DMD: variants seen among roughly 807,000 people sequenced by gnomAD.
DMD encodes the protein dystrophin.
A neutral mutation model predicts 330.1 loss-of-function variants in DMD; 63 were observed. That is an observed-to-expected ratio of 0.19 (90% confidence interval 0.16 to 0.24). DMD has a LOEUF of 0.24. Among genes scored for constraint, DMD ranks in the 10% least tolerant of loss-of-function variants. The pLI, the probability that DMD is intolerant of heterozygous loss-of-function variation, is 1.00. For synonymous variants in DMD, 1,223 were observed against 959.8 expected (o/e 1.27, Z -5.07); for missense variants, 3,344 against 2,684.1 (o/e 1.25, Z -5.43).
At chrX:31,851,727 A>G (rs754585007) in intron 48 of DMD, among the ~76,000 whole-genome samples, 1 of 112,042 alleles carries the variant, frequency 8.9e-6, no homozygotes, top group South Asian at 3.7e-4. Flanking sequence ...TGTGTAGTAA[A>G]AGAGAAATTA....
chrX:33,273,278 T>C (rs748207475), intron 1 of DMD, among the ~76,000 whole-genome samples: 3 of 112,313 alleles, frequency 2.7e-5, no homozygotes, highest in African/African-American at 9.7e-5. Context: ...ATTTTATACA[T>C]AGCAATGACT....
chrX:32,503,703 G>GCC (rs2044312889), intron 18 of DMD, among the ~76,000 whole-genome samples: 1 of 110,017 alleles, frequency 9.1e-6, no homozygotes, highest in Non-Finnish European at 1.9e-5. Context: ...TTACAGGCGT[G>GCC]CACCACCACG....
chrX:31,991,923 T>C (rs1054299840), intron 44 of DMD, among the ~76,000 whole-genome samples: 1 of 112,112 alleles, frequency 8.9e-6, no homozygotes, highest in African/African-American at 3.2e-5. Flanking sequence ...TTCCATGTTC[T>C]AAAGATACGG....
intron 45 of DMD, among the ~76,000 whole-genome samples, chrX:31,944,111 C>A (rs867776808): frequency 8.9e-6 from 1 of 111,788 alleles, no homozygotes; most frequent in Non-Finnish European, 1.9e-5. Flanking sequence ...AACAGTATTT[C>A]CTTAAATGTG....
intron 11 of DMD, among the ~76,000 whole-genome samples, chrX:32,638,349 T>C (rs1040644346): frequency 8.9e-6 from 1 of 111,829 alleles, no homozygotes; most frequent in African/African-American, 3.3e-5. Context: ...GATAGAAAAA[T>C]AGGAACAGAA....
chrX:32,693,802 G>C (rs1012147673), intron 9 of DMD, among the ~76,000 whole-genome samples: 3 of 111,091 alleles, frequency 2.7e-5, no homozygotes, highest in Non-Finnish European at 5.7e-5. Flanking sequence ...ACTGTCGTTT[G>C]AACCTACTCT....
At chrX:31,926,130 G>C (rs935941085) in intron 47 of DMD, among the ~76,000 whole-genome samples, 1 of 108,646 alleles carries the variant, frequency 9.2e-6, no homozygotes, top group East Asian at 2.9e-4. Flanking sequence ...TGATCAGAGA[G>C]AGGAACACAG....
intron 1 of DMD, among the ~76,000 whole-genome samples, chrX:33,170,414 T>C (rs1325694201): frequency 9.0e-6 from 1 of 111,305 alleles, no homozygotes; most frequent in African/African-American, 3.3e-5. Context: ...ACAAATATCT[T>C]TTATTTCTCA....
intron 64 of DMD, among the ~76,000 whole-genome samples, chrX:31,219,262 C>A (rs2045728746): frequency 9.0e-6 from 1 of 110,899 alleles, no homozygotes; most frequent in African/African-American, 3.3e-5. Context: ...CTTCTCTTGC[C>A]CAGCTGTTCC....
chrX:32,731,184 G>C (rs187690516), intron 7 of DMD, among the ~76,000 whole-genome samples: 1 of 112,093 alleles, frequency 8.9e-6, no homozygotes, highest in Non-Finnish European at 1.9e-5. Context: ...ACACCCACCC[G>C]AATACTGCGT....
intron 32 of DMD, among the ~76,000 whole-genome samples, chrX:32,388,341 C>T (rs866153198): frequency 1.5e-4 from 12 of 78,533 alleles, no homozygotes; most frequent in Admixed American, 3.0e-4. Flanking sequence ...TTATGCTTTC[C>T]TTTTTTTTTT....
At chrX:31,696,783 A>G (rs1418034960) in intron 52 of DMD, among the ~76,000 whole-genome samples, 1 of 112,156 alleles carries the variant, frequency 8.9e-6, no homozygotes, top group East Asian at 2.8e-4. Flanking sequence ...CAAACACAAT[A>G]CGATTTTGAC....
intron 55 of DMD, among the ~76,000 whole-genome samples, chrX:31,587,020 T>C (rs1211203756): frequency 9.0e-6 from 1 of 111,644 alleles, no homozygotes; most frequent in Non-Finnish European, 1.9e-5. Context: ...CATAAAAATA[T>C]TTTAGACTGA....
chrX:32,384,578 T>A (rs962746381), intron 33 of DMD, among the ~76,000 whole-genome samples: 1 of 110,711 alleles, frequency 9.0e-6, no homozygotes, highest in East Asian at 2.8e-4. Flanking sequence ...AACAAGACTA[T>A]CTAAGAAAAA....
intron 2 of DMD, among the ~76,000 whole-genome samples, chrX:32,971,965 C>A (rs750343492): frequency 9.0e-6 from 1 of 110,658 alleles, no homozygotes; most frequent in African/African-American, 3.3e-5. Context: ...TAAATATTTG[C>A]GAGTAGATAA....
intron 1 of DMD, among the ~76,000 whole-genome samples, chrX:33,274,549 G>T (rs191290760): frequency 1.8e-5 from 2 of 111,895 alleles, no homozygotes; most frequent in Non-Finnish European, 3.8e-5. Flanking sequence ...AAACCATTCT[G>T]CCAGGGAGAT....
intron 7 of DMD, among the ~76,000 whole-genome samples, chrX:32,754,546 TA>T (rs57307334): frequency 0.48 from 48,899 of 101,948 alleles, 9,620 homozygotes; most frequent in African/African-American, 0.66. Context: ...AATAAACCAT[TA>T]AAAAAAAAAA....
intron 21 of DMD, among the ~76,000 whole-genome samples, chrX:32,480,119 C>T (rs1027159318): frequency 1.3e-4 from 15 of 111,373 alleles, no homozygotes; most frequent in East Asian, 1.1e-3. Context: ...AGACATTTCT[C>T]GCAATAAGAG....
chrX:31,471,706 A>C (rs2067314854), intron 59 of DMD, among the ~76,000 whole-genome samples: 1 of 112,581 alleles, frequency 8.9e-6, no homozygotes, highest in African/African-American at 3.2e-5. Context: ...CTGAAAGTAA[A>C]TCAATATATA....
Sources: allele counts gnomAD v4.1 joint callset (sites outside exome capture counted in the v4.1 genomes callset), GRCh38; gene constraint gnomAD v4.1.1; transcripts MANE v1.5; gene names NCBI Gene and HGNC (gene_info 2026-07-23, HGNC 2026-07-21).